The following GNAS variants were observed in gnomAD, a reference collection of about 807,000 sequenced individuals.
GNAS encodes GNAS complex locus, also known as protein ALEX.
In GNAS, 8 loss-of-function variants were observed where a neutral mutation model predicts 54.5. The ratio of observed to expected loss-of-function variants is 0.15; its 90% CI spans 0.09 to 0.26. The LOEUF (loss-of-function observed/expected upper bound fraction) is 0.26, where lower values mean the gene tolerates loss of function less well. Among genes scored for constraint, GNAS ranks in the 10% least tolerant of loss-of-function variants. GNAS has a pLI of 1.00. For synonymous variants in GNAS, 204 were observed against 191.4 expected (o/e 1.07, Z -0.54); for missense variants, 170 against 529.8 (o/e 0.32, Z 6.67).
intron 5 of GNAS, 24 bp from the exon 6 acceptor site, chr20:58,905,359 A>G (rs1452060924): frequency 7.3e-7 from 1 of 1,370,576 alleles, no homozygotes; most frequent in Non-Finnish European, 1.0e-6. Flanking sequence ...GCCTTTCTCT[A>G]AACTTTCTTG....
At chr20:58,845,414 A>T (rs889658708) in intron 1 of GNAS, among the ~76,000 whole-genome samples, 2 of 152,146 alleles carry the variant, frequency 1.3e-5, no homozygotes, top group African/African-American at 4.8e-5. Context: ...ACATACAGCT[A>T]GACCCCACTG....
Position 58,891,673 on chromosome 20 carries a change from C to T in GNAS, c.-54C>T. On this transcript the variant is annotated 5_prime_UTR_variant, in exon 1 of 13. Transcript: ENST00000371085. ...GGCCCTCCCGGCCCGCGTGAGGCCG[C>T]CCGCGCCCGCCGCCGCCGCAGCCCG... The T allele has an allele frequency of 5.1e-6, 5 of 973,622 alleles. No homozygotes were observed. The highest frequency in any genetic ancestry group is 6.1e-6 in the Non-Finnish European group (5 of 824,398). The allele number at this position is 973,622 out of a possible 1,614,324, so 60.3% of individuals were successfully genotyped here. A position where few individuals can be genotyped will look rare whatever the true frequency, so the allele number is the denominator to read the frequency against.
intron 1 of GNAS, among the ~76,000 whole-genome samples, chr20:58,893,546 CTT>C (rs1432348751): frequency 6.6e-6 from 1 of 152,128 alleles, no homozygotes; most frequent in African/African-American, 2.4e-5. Context: ...TTGGTTTGCT[CTT>C]TTTGCATAGG....
At chr20:58,869,773 C>T (rs2087313259) in intron 1 of GNAS, among the ~76,000 whole-genome samples, 1 of 152,228 alleles carries the variant, frequency 6.6e-6, no homozygotes, top group Non-Finnish European at 1.5e-5. Context: ...TGCTTCACGG[C>T]ACACTGGGGC....
upstream of GNAS, among the ~76,000 whole-genome samples, chr20:58,887,405 T>C (rs569192453): frequency 9.2e-5 from 14 of 152,354 alleles, no homozygotes; most frequent in East Asian, 2.7e-3. Context: ...TCTAAAGATA[T>C]AGAACCTGTG....
intron 1 of GNAS, chr20:58,855,249 G>C: frequency 6.3e-7 from 1 of 1,590,260 alleles, no homozygotes; most frequent in Non-Finnish European, 8.6e-7. Context: ...GAAGCGCGCA[G>C]AGAAGAAACG....
chr20:58,903,406 A>G, intron 3 of GNAS, 125 bp from the exon 4 acceptor site: 1 of 846,706 alleles, frequency 1.2e-6, no homozygotes, highest in Non-Finnish European at 2.0e-6. Flanking sequence ...CTTTGCACAG[A>G]TCCGAACCCA....
chr20:58,889,078 T>A (rs745905856), upstream of GNAS: 5 of 1,025,670 alleles, frequency 4.9e-6, no homozygotes, highest in South Asian at 1.4e-4. Context: ...TTTTCGCGCT[T>A]CCCCTTCGGT....
At chr20:58,881,002 G>A (rs1365299324) in intron 1 of GNAS, among the ~76,000 whole-genome samples, 1 of 152,212 alleles carries the variant, frequency 6.6e-6, no homozygotes, top group Non-Finnish European at 1.5e-5. Flanking sequence ...TTATACCTAA[G>A]ATTAAAATAT....
In GNAS at chr20:58,854,919, C is replaced by T. The variant is rs777724027; in HGVS notation, c.43+14033C>T. On this transcript the variant is annotated intron_variant, in intron 1 of 12. Coordinates refer to the GNAS transcript ENST00000306090. The stretch of plus-strand genomic sequence containing the variant: ...GCGGCCTACTCGCGCGTCTGCCTGG[C>T]GGGGCAAGTCCGAGAGCAGCCGCGG... The T allele has an allele frequency of 1.1e-5, 17 of 1,598,800 alleles. No individual in the cohort carries two copies. In the East Asian group the frequency reaches 3.4e-4, roughly 32 times the overall value.
intron 5 of GNAS, among the ~76,000 whole-genome samples, chr20:58,904,425 C>T (rs1250851451): frequency 2.0e-5 from 3 of 152,116 alleles, no homozygotes; most frequent in African/African-American, 7.2e-5. Flanking sequence ...AAAAGACTTT[C>T]CTCTGGATGC....
chr20:58,882,586 C>T (rs146911366), intron 1 of GNAS, among the ~76,000 whole-genome samples: 75 of 152,306 alleles, frequency 4.9e-4, no homozygotes, highest in Admixed American at 1.8e-3. Flanking sequence ...AAACTCAGCC[C>T]CATGGATCAC....
At position 58,911,047 on chromosome 20, in the gene GNAS, CA is replaced by C; in HGVS notation, c.*219del. On this transcript the variant is annotated 3_prime_UTR_variant, in exon 13 of 13. Transcript: ENST00000371085. ...GGCCTACAGAAAAAGGAAAAAAGGC[CA>C]CAAAAGTTCCCTCTCACTTTCAGTA... 1.5e-6 allele frequency: 1 copy of C among 676,500 alleles called. No homozygotes were observed. Among genetic ancestry groups the C allele is most frequent in the Non-Finnish European group, 2.7e-6 (1 of 371,034 alleles). The allele number at this position is 676,500 out of a possible 1,614,324, so 41.9% of individuals were successfully genotyped here.
chr20:58,908,479 TTAAAAAG>T (rs1226287049), intron 6 of GNAS, among the ~76,000 whole-genome samples: 1 of 152,028 alleles, frequency 6.6e-6, no homozygotes. Flanking sequence ...AATGAGATTC[TTAAAAAG>T]TAAAAAGGAA....
chr20:58,849,044 C>CAGA (rs1476296318), intron 1 of GNAS: 2 of 393,624 alleles, frequency 5.1e-6, no homozygotes, highest in Admixed American at 4.4e-5. Context: ...GGTCCTTTCT[C>CAGA]AGCTTATAGT....
At chr20:58,887,316 A>G (rs921160782), upstream of GNAS, among the ~76,000 whole-genome samples, 2 of 152,156 alleles carry the variant, frequency 1.3e-5, no homozygotes, top group African/African-American at 4.8e-5. Flanking sequence ...TGTCTGGCCT[A>G]TTCTTCCCTC....
chr20:58,903,826 C>T lies in GNAS; in HGVS notation c.432+35C>T, dbSNP rs369117471. On this transcript the variant is annotated intron_variant, in intron 5 of 12. Transcript: ENST00000371085. ...ACCCCGACTTGTGTGGCCTTAGCCCCGCCCACCTGAGCACAGTGTCCATAT... is the reference window on the plus strand; with the variant it reads ...ACCCCGACTTGTGTGGCCTTAGCCCTGCCCACCTGAGCACAGTGTCCATAT... 51 of 1,612,822 alleles carry T rather than the reference C, an allele frequency of 3.2e-5. No individual in the cohort carries two copies. In the African/African-American group the frequency reaches 3.3e-4, roughly 11 times the overall value.
chr20:58,900,835 ATGTTT>A (rs1442190582), intron 3 of GNAS, among the ~76,000 whole-genome samples: 1 of 152,230 alleles, frequency 6.6e-6, no homozygotes, highest in Non-Finnish European at 1.5e-5. Flanking sequence ...GAAGAATTTT[ATGTTT>A]TAGTATTACA....
chr20:58,893,280 T>G (rs1297729597), intron 1 of GNAS, among the ~76,000 whole-genome samples: 2 of 152,090 alleles, frequency 1.3e-5, no homozygotes, highest in Non-Finnish European at 2.9e-5. Flanking sequence ...AAAGGTTAAC[T>G]ATAAGGAGAT....
Sources: gnomAD v4.1 joint callset for allele counts (sites outside exome capture counted in the v4.1 genomes callset) on GRCh38, gnomAD v4.1.1 for gene constraint, MANE v1.5 for transcripts, NCBI Gene and HGNC (gene_info 2026-07-23, HGNC 2026-07-21) for gene names.